The following RNF130 variants were observed in gnomAD, a reference collection of about 807,000 sequenced individuals.
The protein encoded by RNF130 is E3 ubiquitin-protein ligase RNF130.
A neutral mutation model predicts 44.6 loss-of-function variants in RNF130; 21 were observed. The observed-to-expected ratio is 0.47, with a 90% CI of 0.33 to 0.68. The LOEUF is 0.68. Among genes scored for constraint, RNF130 ranks in the 30% least tolerant of loss-of-function variants. The pLI is 0.02. For synonymous variants in RNF130, 214 were observed against 210.4 expected (o/e 1.02, Z -0.15); for missense variants, 479 against 560.6 (o/e 0.85, Z 1.47).
chr5:179,994,875 G>A (rs1310774677), intron 3 of RNF130, among the ~76,000 whole-genome samples: 1 of 152,186 alleles, frequency 6.6e-6, no homozygotes, highest in Non-Finnish European at 1.5e-5. Context: ...ACTTATCTTT[G>A]TTAACCAAGA....
intron 8 of RNF130, among the ~76,000 whole-genome samples, chr5:179,961,111 T>A (rs1762316959): frequency 2.1e-5 from 3 of 144,966 alleles, no homozygotes; most frequent in African/African-American, 7.5e-5. Context: ...TGCTTACTGT[T>A]AAAAAAAAAA....
At position 179,977,295 on chromosome 5, in the gene RNF130, AG is replaced by A. The variant is rs1165116252; in HGVS notation, c.848+907del. ...TTTCCATTTTGCATAATCCAGGTTT[AG>A]AAAAAGATTTAATCCAAGTCCCTGG... is the stretch of plus-strand genomic sequence containing the variant. On this transcript the variant is annotated intron_variant, in intron 5 of 8. Transcript: ENST00000521389. The surrounding 1 kb of genome is among the most constrained non-coding windows in gnomAD (Gnocchi z 4.1). 6.6e-6 allele frequency: 1 copy of A among 152,336 alleles called. No homozygotes were observed. The highest frequency in any genetic ancestry group is 1.5e-5 in the Non-Finnish European group (1 of 68,130). 9.4% of individuals were successfully genotyped at this position (152,336 alleles called of 1,614,324 possible).
intron 2 of RNF130, among the ~76,000 whole-genome samples, chr5:180,014,581 A>G (rs912802824): frequency 2.0e-5 from 3 of 152,224 alleles, no homozygotes; most frequent in African/African-American, 7.2e-5. Flanking sequence ...ATCCTTCTTC[A>G]ATGAATAACA....
intron 1 of RNF130, among the ~76,000 whole-genome samples, chr5:180,044,840 A>T (rs1455801157): frequency 2.7e-5 from 4 of 150,820 alleles, no homozygotes; most frequent in South Asian, 2.1e-4. Context: ...TCAAAAAAAA[A>T]AAATAAAAGC....
intron 8 of RNF130, among the ~76,000 whole-genome samples, chr5:179,957,128 T>C (rs886353792): frequency 1.3e-5 from 2 of 152,210 alleles, no homozygotes; most frequent in Non-Finnish European, 2.9e-5. Context: ...AAAGAAATTA[T>C]AGGCTGGGCC....
At chr5:180,052,201 C>T (rs1764701066) in intron 1 of RNF130, among the ~76,000 whole-genome samples, 1 of 152,228 alleles carries the variant, frequency 6.6e-6, no homozygotes, top group African/African-American at 2.4e-5. Context: ...CACCTGTGTA[C>T]ATCACAATCT....
At chr5:179,952,816 G>C (rs1225259271), downstream of RNF130, among the ~76,000 whole-genome samples, 3 of 152,082 alleles carry the variant, frequency 2.0e-5, no homozygotes, top group Non-Finnish European at 4.4e-5. Context: ...CGTTCAATAA[G>C]CTAGAAATAG....
At chr5:180,048,774 T>A (rs949015216) in intron 1 of RNF130, among the ~76,000 whole-genome samples, 5 of 152,214 alleles carry the variant, frequency 3.3e-5, no homozygotes, top group African/African-American at 1.2e-4. Context: ...TTCAGCTTCA[T>A]CCTAAGAGTC....
chr5:180,054,672 T>G (rs1158068896), intron 1 of RNF130, among the ~76,000 whole-genome samples: 1 of 152,214 alleles, frequency 6.6e-6, no homozygotes, highest in African/African-American at 2.4e-5. Context: ...TCTCTTAATT[T>G]TATTATTTGT....
chr5:179,920,365 G>T (rs1366733643), exon 8 of RNF130: 2 of 702,492 alleles, frequency 2.8e-6, no homozygotes, highest in African/African-American at 1.7e-5. Flanking sequence ...CGATGGTGGA[G>T]AATTCACTTT....
intron 7 of RNF130, 58 bp downstream of exon 7, chr5:179,966,748 C>T: frequency 1.3e-6 from 2 of 1,501,496 alleles, no homozygotes; most frequent in Non-Finnish European, 1.8e-6. Flanking sequence ...TCCTGATGGT[C>T]CCGAATGCCC....
At chr5:179,923,337 A>T (rs569943712) in intron 7 of RNF130, among the ~76,000 whole-genome samples, 2 of 152,214 alleles carry the variant, frequency 1.3e-5, no homozygotes, top group African/African-American at 4.8e-5. Context: ...CTTTATGGAA[A>T]ATCTATTGAT....
intron 2 of RNF130, among the ~76,000 whole-genome samples, chr5:180,038,812 AAAC>A (rs1379195455): frequency 2.6e-5 from 4 of 152,208 alleles, no homozygotes; most frequent in African/African-American, 9.6e-5. Flanking sequence ...TGTGTAAGTA[AAAC>A]AACATTAATA....
chr5:179,990,852 A>C (rs528742289), intron 3 of RNF130, among the ~76,000 whole-genome samples: 30 of 152,198 alleles, frequency 2.0e-4, no homozygotes, highest in Non-Finnish European at 4.1e-4. Context: ...AGTAAGGATT[A>C]CTATAATATT....
rs1291822248 is a variant in RNF130 at position 180,012,712 on chromosome 5, C to T, written c.693+349G>A. Among the ~76,000 whole-genome samples, 3 of 152,084 alleles carry T rather than the reference C, an allele frequency of 2.0e-5. No individual in the cohort carries two copies. In the East Asian group the frequency reaches 5.8e-4, roughly 29 times the overall value. On this transcript the variant is annotated intron_variant, in intron 3 of 8. Coordinates refer to ENST00000521389, the MANE Select transcript of RNF130 (RefSeq NM_018434.6). The stretch of plus-strand genomic sequence containing the variant: ...CATAGGAAGGGGAAGAGTGAAGTCT[C>T]CCTAACCCCCCTCCAAGTTCCCATT...
At chr5:179,930,207 G>A (rs555198760) in intron 7 of RNF130, among the ~76,000 whole-genome samples, 19 of 152,142 alleles carry the variant, frequency 1.2e-4, no homozygotes, top group Admixed American at 2.6e-4. Context: ...ACAGGCATCT[G>A]CCACCACACC....
intron 7 of RNF130, among the ~76,000 whole-genome samples, chr5:179,945,511 C>T (rs1762023716): frequency 6.6e-6 from 1 of 152,178 alleles, no homozygotes; most frequent in African/African-American, 2.4e-5. Context: ...TGTTTCCAAT[C>T]CTCACAGTGC....
chr5:180,041,403 G>A lies in RNF130; in HGVS notation c.248-756C>T, dbSNP rs559625448. The stretch of plus-strand genomic sequence containing the variant: ...TGGTACTACAAATTACATGGCCACT[G>A]TTCTGGATTTTTTGGGATAGTTTAT... On this transcript the variant is annotated intron_variant, in intron 1 of 8. Coordinates refer to ENST00000521389, the MANE Select transcript of RNF130 (RefSeq NM_018434.6). Among the ~76,000 whole-genome samples the A allele has an allele frequency of 6.6e-5, 10 of 152,278 alleles. No individual in the cohort carries two copies. In the East Asian group the frequency reaches 1.5e-3, roughly 23 times the overall value.
intron 2 of RNF130, among the ~76,000 whole-genome samples, chr5:180,036,514 T>C (rs1051467098): frequency 6.6e-6 from 1 of 152,202 alleles, no homozygotes; most frequent in African/African-American, 2.4e-5. Context: ...AGCAGCACCC[T>C]GCTAAACCAC....
Sources: allele counts gnomAD v4.1 joint callset (sites outside exome capture counted in the v4.1 genomes callset), GRCh38; gene constraint gnomAD v4.1.1; non-coding constraint Gnocchi (gnomAD v3.1); transcripts MANE v1.5; gene names NCBI Gene and HGNC (gene_info 2026-07-23, HGNC 2026-07-21).